The following TENM4 variants were observed in gnomAD, a reference collection of about 807,000 sequenced individuals.
TENM4 encodes the protein teneurin-4.
In TENM4, 82 loss-of-function variants were observed where a neutral mutation model predicts 243.3. The ratio of observed to expected loss-of-function variants is 0.34; its 90% CI spans 0.28 to 0.40. TENM4 has a LOEUF of 0.40. TENM4 is among the 10% of genes least tolerant of loss of function. The pLI is 1.00. For missense variants in TENM4, 3,138 were observed against 3,673.3 expected (o/e 0.85, Z 3.77); for synonymous variants, 1,412 against 1,456.3 (o/e 0.97, Z 0.69).
At chr11:79,097,332 G>A (rs1349393940) in intron 4 of TENM4, 1 of 152,172 alleles carries the variant, frequency 6.6e-6, no homozygotes, top group African/African-American at 2.4e-5. Context: ...ACAAAGTGGG[G>A]TTCTTTTTCA....
intron 1 of TENM4, among the ~76,000 whole-genome samples, chr11:79,409,124 G>A (rs550019824): frequency 1.1e-4 from 16 of 150,022 alleles, no homozygotes; most frequent in East Asian, 2.0e-4. Flanking sequence ...GTGCGTGCAC[G>A]CGCACGCACA....
At chr11:78,816,066 G>A (rs1195504613) in intron 12 of TENM4, among the ~76,000 whole-genome samples, 1 of 152,202 alleles carries the variant, frequency 6.6e-6, no homozygotes, top group Non-Finnish European at 1.5e-5. Context: ...TGACCGCTCT[G>A]TGACTGACAC....
At chr11:79,397,995 C>T (rs1858380309) in intron 1 of TENM4, among the ~76,000 whole-genome samples, 1 of 152,030 alleles carries the variant, frequency 6.6e-6, no homozygotes, top group Non-Finnish European at 1.5e-5. Flanking sequence ...ACTATCATTC[C>T]CAGCGAGGAA....
rs1555073163 is a variant in TENM4, at chr11:78,736,486, G to GCGCA, written c.2876+1964_2876+1965insTGCG. The stretch of plus-strand genomic sequence containing the variant: ...TGTGTGTGTGTGTGTGTGTGCGCGC[G>GCGCA]CGTGCATGTGAGTAGGGGTGGGGGA... On this transcript the variant is annotated intron_variant, in intron 20 of 33. Transcript: ENST00000278550. 7.4e-4 allele frequency among the ~76,000 whole-genome samples: 111 copies of GCGCA among 150,202 alleles called. 1 individual carries two copies. The highest frequency in any genetic ancestry group is 2.0e-3 in the African/African-American group (82 of 40,216).
At chr11:79,312,565 A>G (rs1856739517) in intron 1 of TENM4, among the ~76,000 whole-genome samples, 1 of 152,180 alleles carries the variant, frequency 6.6e-6, no homozygotes, top group African/African-American at 2.4e-5. Context: ...TGAGCAAGTG[A>G]CAGAGCTTCT....
chr11:79,126,966 T>C (rs1052828265), intron 4 of TENM4, among the ~76,000 whole-genome samples: 5 of 152,198 alleles, frequency 3.3e-5, no homozygotes, highest in African/African-American at 4.8e-5. Context: ...CAAAACATCA[T>C]TGTGATCCTC....
chr11:78,942,259 C>CAAAAAAAAA lies in TENM4; in HGVS notation c.494-38745_494-38737dup, dbSNP rs56973257. ...TGAAACCCATCTCTACAAAATACAC[C>CAAAAAAAAA]AAAAAAAAAAAAAAAAAAAAAAAAA... On this transcript the variant is annotated intron_variant, in intron 6 of 33. Coordinates refer to ENST00000278550, the MANE Select transcript of TENM4 (RefSeq NM_001098816.3). Among the ~76,000 whole-genome samples the CAAAAAAAAA allele has an allele frequency of 5.3e-4, 6 of 11,218 alleles. 2 individuals carry two copies. The highest frequency in any genetic ancestry group is 8.4e-4 in the Non-Finnish European group (5 of 5,974). The allele number at this position is 11,218 out of a possible 152,430, so 7.4% of individuals were successfully genotyped here.
chr11:78,810,371 C>T (rs768303434), intron 14 of TENM4, among the ~76,000 whole-genome samples: 2 of 152,162 alleles, frequency 1.3e-5, no homozygotes, highest in Non-Finnish European at 2.9e-5. Flanking sequence ...GGGTGCTGTG[C>T]GATGCCAGCT....
rs536160638 is a variant in TENM4 at position 79,271,069 on chromosome 11, T to C, written c.-265+26419A>G. Among the ~76,000 whole-genome samples, 166 of 152,288 alleles carry C rather than the reference T, an allele frequency of 1.1e-3. 1 individual carries two copies. Among genetic ancestry groups the C allele is most frequent in the Admixed American group, 1.8e-3 (28 of 15,298 alleles). ...GGGAAATTGATGACTTCTGAAGTCA[T>C]TTTTCATGATGACTTCTGAAGGCTA... On this transcript the variant is annotated intron_variant, in intron 2 of 33. Transcript: ENST00000278550.
At chr11:78,936,289 AT>A (rs1856781796) in intron 6 of TENM4, among the ~76,000 whole-genome samples, 1 of 152,208 alleles carries the variant, frequency 6.6e-6, no homozygotes, top group Admixed American at 6.5e-5. Context: ...CACTTTCTTC[AT>A]TTATAAAATG....
At position 79,064,769 on chromosome 11, in the gene TENM4, G is replaced by C; in HGVS notation, c.462C>G (p.Leu154=). ...CAGTGTTTTCATGCTCGGTGTCGGT[G>C]AGTGTGAGATTGGAATTGGCCCGGC... ...LSSRANSNLT[L]TDTEHENTET... The change falls in exon 6 of 34, where the codon CTC becomes CTG. Residue 154 remains leucine (L), a synonymous_variant. Transcript: ENST00000278550. 1 of 1,551,678 alleles carries C rather than the reference G, an allele frequency of 6.4e-7. No homozygotes were observed. Among genetic ancestry groups the C allele is most frequent in the East Asian group, 2.4e-5 (1 of 40,910 alleles).
At chr11:79,056,884 CA>C (rs566635838) in intron 6 of TENM4, among the ~76,000 whole-genome samples, 5 of 152,222 alleles carry the variant, frequency 3.3e-5, no homozygotes, top group Non-Finnish European at 5.9e-5. Flanking sequence ...GGAGAAGGAT[CA>C]GGGGCAAGCC....
At chr11:78,743,514 C>T (rs931324088) in intron 19 of TENM4, among the ~76,000 whole-genome samples, 3 of 152,052 alleles carry the variant, frequency 2.0e-5, no homozygotes, top group Admixed American at 6.5e-5. Flanking sequence ...AAGGTGAGGG[C>T]GATGTTAGAG....
chr11:79,432,348 A>G (rs1018667896), intron 1 of TENM4, among the ~76,000 whole-genome samples: 4 of 152,238 alleles, frequency 2.6e-5, no homozygotes, highest in Non-Finnish European at 5.9e-5. Context: ...GTTTGCAAAG[A>G]GCTGCATTGC....
chr11:78,821,603 T>C (rs1268690699), intron 12 of TENM4, among the ~76,000 whole-genome samples: 3 of 152,208 alleles, frequency 2.0e-5, no homozygotes, highest in African/African-American at 7.2e-5. Flanking sequence ...AAGACACTGA[T>C]GAGTTAAGCT....
At position 78,712,611 on chromosome 11, in the gene TENM4, C is replaced by T. The variant is rs1236932737; in HGVS notation, c.3925G>A (p.Val1309Met). ...SRRVFKIKST[V>M]VVKDLVKNSE... The stretch of plus-strand genomic sequence containing the variant: ...TTCTTGACAAGGTCCTTCACCACCA[C>T]AGTGGACTTGATTTTAAAGACCCGC... Residue 1309 changes from valine to methionine, a missense_variant, in exon 26 of 34, where the codon GTG (valine) becomes ATG (methionine). Transcript: ENST00000278550. The T allele has an allele frequency of 6.2e-7, 1 of 1,614,010 alleles. No individual in the cohort carries two copies. Among genetic ancestry groups the T allele is most frequent in the South Asian group, 1.1e-5 (1 of 91,078 alleles).
chr11:79,374,789 G>T (rs1237765469), intron 1 of TENM4, among the ~76,000 whole-genome samples: 6 of 152,014 alleles, frequency 3.9e-5, no homozygotes. Context: ...ATAGTCTAGA[G>T]AAAGGCATTA....
intron 6 of TENM4, among the ~76,000 whole-genome samples, chr11:79,029,034 C>T (rs896599908): frequency 6.6e-6 from 1 of 152,160 alleles, no homozygotes; most frequent in Non-Finnish European, 1.5e-5. Context: ...AGAATTTACT[C>T]ACATTTTGCA....
At chr11:79,045,050 T>A (rs1859625205) in intron 6 of TENM4, among the ~76,000 whole-genome samples, 1 of 152,212 alleles carries the variant, frequency 6.6e-6, no homozygotes, top group South Asian at 2.1e-4. Context: ...TCTAGAACAT[T>A]TTCTTCACTC....
Sources: allele counts gnomAD v4.1 joint callset (sites outside exome capture counted in the v4.1 genomes callset), GRCh38; gene constraint gnomAD v4.1.1; transcripts MANE v1.5; gene names NCBI Gene and HGNC (gene_info 2026-07-23, HGNC 2026-07-21).